Variants in UXT observed in about 807,000 individuals in gnomAD.
The protein encoded by UXT is ubiquitously expressed prefoldin like chaperone.
For missense variants in UXT, 111 were observed against 132.7 expected (o/e 0.84, Z 0.80); for synonymous variants, 54 against 52.8 (o/e 1.02, Z -0.10).
chrX:47,657,310 A>G lies in UXT; in HGVS notation c.285-20T>C. 8.8e-7 allele frequency: 1 copy of G among 1,142,695 alleles called. No homozygotes were observed. The highest frequency in any genetic ancestry group is 1.2e-6 in the Non-Finnish European group (1 of 838,976). The allele number at this position is 1,142,695 out of a possible 1,213,427, so 94.2% of individuals were successfully genotyped here. ...TCTGGGCTGAGGAAAGAGAGGTTAG[A>G]GGAAGTGGGGAGAAGTCCTTATCAC... On this transcript the variant is annotated intron_variant, in intron 3 of 5. Coordinates refer to ENST00000335890, the MANE Select transcript of UXT (RefSeq NM_153477.3).
chrX:47,652,621 C>T (rs759407476), intron 4 of UXT, among the ~76,000 whole-genome samples: 16 of 112,009 alleles, frequency 1.4e-4, no homozygotes, highest in Non-Finnish European at 2.8e-4. Context: ...ATGTGTTCCA[C>T]ACACAAGGGG....
chrX:47,659,173 T>G lies in UXT; in HGVS notation c.-210A>C. The G allele has an allele frequency of 1.8e-6, 1 of 560,054 alleles. No individual in the cohort carries two copies. Among genetic ancestry groups the G allele is most frequent in the Non-Finnish European group, 3.0e-6 (1 of 334,725 alleles). The allele number at this position is 560,054 out of a possible 1,213,427, so 46.2% of individuals were successfully genotyped here. On this transcript the variant is annotated 5_prime_UTR_variant, in exon 1 of 6. Transcript: ENST00000335890. ...AACCGCGGCTTCCGGGTGGCGCGGG[T>G]GAATGACGTAAGTGGCAAGCGCGCT...
chrX:47,658,510 C>A (rs1164697298), intron 1 of UXT, among the ~76,000 whole-genome samples: 1 of 112,180 alleles, frequency 8.9e-6, no homozygotes, highest in African/African-American at 3.2e-5. Flanking sequence ...GTTTATAGGG[C>A]ACAGAAAGGC....
chrX:47,652,058 G>A, intron 5 of UXT, 23 bp downstream of exon 6: 1 of 1,204,379 alleles, frequency 8.3e-7, no homozygotes, highest in Non-Finnish European at 1.1e-6. Context: ...ACAGAGTCTG[G>A]TAGTGGGGTG....
At chrX:47,658,719 G>A (rs2147951919) in intron 1 of UXT, 111 bp downstream of exon 2, 4 of 1,001,226 alleles carry the variant, frequency 4.0e-6, no homozygotes, top group Non-Finnish European at 3.9e-6. Flanking sequence ...GGAGCGCGGG[G>A]CCGGACTCTG....
At chrX:47,658,289 C>A (rs1228473168) in intron 1 of UXT, among the ~76,000 whole-genome samples, 2 of 111,790 alleles carry the variant, frequency 1.8e-5, no homozygotes, top group African/African-American at 3.3e-5. Context: ...AATCCTCCAT[C>A]CCTTTTAGGA....
Position 47,654,871 on chromosome X carries a change from C to A in UXT, c.392+2312G>T, listed in dbSNP as rs768698859. On this transcript the variant is annotated intron_variant, in intron 4 of 5. Transcript: ENST00000335890. ...ACATCAAAAAGACCAGGCAAGGGGG[C>A]AGGCACTGACAATTTAAATACTTCA... Among the ~76,000 whole-genome samples the A allele has an allele frequency of 2.0e-4, 22 of 112,398 alleles. 1 individual carries two copies. The highest frequency in any genetic ancestry group is 7.1e-4 in the African/African-American group (22 of 30,966).
chrX:47,657,476 T>C, intron 3 of UXT, 96 bp downstream of exon 4: 1 of 936,731 alleles, frequency 1.1e-6, no homozygotes, highest in Non-Finnish European at 1.5e-6. Context: ...CCTCGCATAG[T>C]GCCTGGTACA....
In UXT at chrX:47,651,982, G is replaced by A. The variant is rs780307776; in HGVS notation, c.457-87C>T. The A allele has an allele frequency of 5.5e-5, 65 of 1,178,980 alleles. 1 individual carries two copies. In the South Asian group the frequency reaches 1.1e-3, roughly 19 times the overall value. On this transcript the variant is annotated intron_variant, in intron 5 of 5. Transcript: ENST00000335890. ...CTCTGACCTCCCTCCCTTGACTCCA[G>A]TTTAGAGGGAAAGATGGTCCTTCCC...
Position 47,652,104 on chromosome X carries a change from C to T in UXT, c.433G>A (p.Ala145Thr). The change falls in exon 5 of 6, where the codon GCC (alanine) becomes ACC (threonine). Residue 145 changes from alanine to threonine, a missense_variant. Transcript: ENST00000335890. ...ACCTCTAGCAACATGTGGATATGGG[C>T]TTTGATATTCATGGAGTCCTTGGTG... 1 of 1,209,367 alleles carries T rather than the reference C, an allele frequency of 8.3e-7. No homozygotes were observed. Among genetic ancestry groups the T allele is most frequent in the Non-Finnish European group, 1.1e-6 (1 of 894,280 alleles).
chrX:47,656,873 G>A (rs896308004), intron 4 of UXT, among the ~76,000 whole-genome samples: 1 of 112,269 alleles, frequency 8.9e-6, no homozygotes, highest in Admixed American at 9.4e-5. Flanking sequence ...TAACAGTATA[G>A]TCCTTCTAGA....
At chrX:47,656,273 A>G (rs2058083281) in intron 4 of UXT, among the ~76,000 whole-genome samples, 2 of 112,074 alleles carry the variant, frequency 1.8e-5, no homozygotes, top group African/African-American at 6.5e-5. Flanking sequence ...AGGATGTAGT[A>G]TGCTATGATC....
In UXT at chrX:47,651,939, G is replaced by GTTAC. The variant is rs753895641; in HGVS notation, c.457-48_457-45dup. On this transcript the variant is annotated intron_variant, in intron 5 of 5. Transcript: ENST00000335890. ...GAGATTGAACAAAGACTGGGTCTGG[G>GTTAC]TTACGCCCCCAGGCTTGCTCTGACC... is the stretch of plus-strand genomic sequence containing the variant. 3.3e-6 allele frequency: 4 copies of GTTAC among 1,199,074 alleles called. No homozygotes were observed. The Admixed American group carries it at 8.8e-5, about 26-fold the overall frequency.
chrX:47,654,052 C>T, intron 4 of UXT: 1 of 749,863 alleles, frequency 1.3e-6, no homozygotes, highest in Non-Finnish European at 1.6e-6. Flanking sequence ...ATGAGTTCAA[C>T]ACTTTAAAAG....
intron 4 of UXT, among the ~76,000 whole-genome samples, chrX:47,656,506 T>C (rs1482674153): frequency 9.0e-6 from 1 of 111,372 alleles, no homozygotes; most frequent in Non-Finnish European, 1.9e-5. Flanking sequence ...TAAGTGTTAG[T>C]AGAAAAAAAG....
chrX:47,658,919 C>T lies in UXT; in HGVS notation c.45G>A (p.Thr15=), dbSNP rs769902486. The change falls in exon 1 of 6, where the codon ACG becomes ACA. Residue 15 remains threonine, a synonymous_variant. Transcript: ENST00000335890. ...CCTCCACCGCCCGCCGCTTAGGGGG[C>T]GTCGCCATGATGGGCTCCTGGGGAG... 70 of 1,194,822 alleles carry T rather than the reference C, an allele frequency of 5.9e-5. No homozygotes were observed. Among genetic ancestry groups the T allele is most frequent in the Non-Finnish European group, 7.7e-5 (68 of 885,677 alleles).
Position 47,658,355 on chromosome X carries a change from C to A in UXT, c.134+475G>T, listed in dbSNP as rs2058090603. On this transcript the variant is annotated intron_variant, in intron 1 of 5. Coordinates refer to ENST00000335890, the MANE Select transcript of UXT (RefSeq NM_153477.3). ...TTCCTGCTTAGATTAACAAAGATTG[C>A]AATAATATTTCTTCATACTCATTGA... 3.6e-5 allele frequency among the ~76,000 whole-genome samples: 4 copies of A among 111,586 alleles called. No individual in the cohort carries two copies. The South Asian group carries it at 1.5e-3, about 41-fold the overall frequency.
rs1323796940 is a variant in UXT, at chrX:47,659,172, G to T, written c.-209C>A. 1.8e-6 allele frequency: 1 copy of T among 560,656 alleles called. No individual in the cohort carries two copies. Among genetic ancestry groups the T allele is most frequent in the Admixed American group, 2.7e-5 (1 of 37,407 alleles). 46.2% of individuals were successfully genotyped at this position (560,656 alleles called of 1,213,427 possible). On this transcript the variant is annotated 5_prime_UTR_variant, in exon 1 of 6. Coordinates refer to ENST00000335890, the MANE Select transcript of UXT (RefSeq NM_153477.3). ...GAACCGCGGCTTCCGGGTGGCGCGG[G>T]TGAATGACGTAAGTGGCAAGCGCGC...
At chrX:47,657,989 A>C in intron 1 of UXT, 126 bp from the exon 3 acceptor site, 1 of 498,554 alleles carries the variant, frequency 2.0e-6, no homozygotes, top group Non-Finnish European at 2.9e-6. Flanking sequence ...GCATAAGTTA[A>C]TTTTCGGCTC....
Sources: allele counts gnomAD v4.1 joint callset (sites outside exome capture counted in the v4.1 genomes callset), GRCh38; gene constraint gnomAD v4.1.1; transcripts MANE v1.5; gene names NCBI Gene and HGNC (gene_info 2026-07-23, HGNC 2026-07-21).